Variants in SLC14A2 observed in about 807,000 individuals in gnomAD.
The protein encoded by SLC14A2 is solute carrier family 14 member 2, also known as urea transporter 2.
SLC14A2 carries 91 observed loss-of-function variants against 104.6 expected under a neutral mutation model. The observed-to-expected ratio is 0.87, with a 90% CI of 0.73 to 1.04. The LOEUF (loss-of-function observed/expected upper bound fraction) is 1.04. SLC14A2 is among the 50% of genes least tolerant of loss of function. The probability of loss-of-function intolerance (pLI) is 0.00; values close to 1 mark genes in which losing one functional copy is unlikely to be tolerated. For missense variants in SLC14A2, 1,189 were observed against 1,156.0 expected, an observed-to-expected ratio of 1.03 and a Z score of -0.41; for synonymous variants, 476 against 466.4, an observed-to-expected ratio of 1.02 and a Z score of -0.27.
At chr18:45,443,581 G>A (rs932704938) in intron 1 of SLC14A2, among the ~76,000 whole-genome samples, 1 of 152,060 alleles carries the variant, frequency 6.6e-6, no homozygotes, top group Non-Finnish European at 1.5e-5. Flanking sequence ...CAGTGGGGGT[G>A]GGGGAAGAGT....
the SLC14A2 span, chr18:45,180,003 G>A: frequency 2.0e-5 from 3 of 152,062 alleles, no homozygotes; most frequent in African/African-American, 7.2e-5. Flanking sequence ...CGAAAAATTA[G>A]CCAAGTACGG....
the SLC14A2 span, among the ~76,000 whole-genome samples, chr18:45,176,704 T>A: frequency 6.6e-6 from 1 of 152,210 alleles, no homozygotes; most frequent in Non-Finnish European, 1.5e-5. Context: ...TGATTTTCTC[T>A]CTGCATTGTG....
intron 2 of SLC14A2, among the ~76,000 whole-genome samples, chr18:45,591,791 C>T (rs761857987): frequency 1.3e-5 from 2 of 152,202 alleles, no homozygotes. Flanking sequence ...AATGAAGACA[C>T]ATGCAGAAAA....
At chr18:45,528,827 A>G (rs2039254515) in intron 2 of SLC14A2, 1 of 152,244 alleles carries the variant, frequency 6.6e-6, no homozygotes, top group Non-Finnish European at 1.5e-5. Flanking sequence ...CAAGAAGCAG[A>G]GGCTAGTTCA....
intron 2 of SLC14A2, among the ~76,000 whole-genome samples, chr18:45,562,682 GAGA>G (rs1021936690): frequency 2.4e-4 from 36 of 152,292 alleles, no homozygotes; most frequent in African/African-American, 7.9e-4. Flanking sequence ...ACTCTGAGCA[GAGA>G]AGAAGTTCAG....
At chr18:45,196,586 C>T in the SLC14A2 span, among the ~76,000 whole-genome samples, 1 of 152,186 alleles carries the variant, frequency 6.6e-6, no homozygotes, top group Admixed American at 6.5e-5. Context: ...AAACAGACAG[C>T]TGCCTTTGTA....
At chr18:45,554,500 G>T (rs1285201911) in intron 2 of SLC14A2, among the ~76,000 whole-genome samples, 1 of 152,150 alleles carries the variant, frequency 6.6e-6, no homozygotes, top group Non-Finnish European at 1.5e-5. Context: ...GGGCTGCAAG[G>T]TGGGGGTGGA....
At chr18:45,265,058 C>T (rs2084577980) in intron 1 of SLC14A2, among the ~76,000 whole-genome samples, 1 of 152,124 alleles carries the variant, frequency 6.6e-6, no homozygotes, top group African/African-American at 2.4e-5. Flanking sequence ...TGGGCCATGT[C>T]TTTGTATGCA....
At chr18:45,617,268 C>G (rs1020148268) in intron 1 of SLC14A2, among the ~76,000 whole-genome samples, 5 of 152,200 alleles carry the variant, frequency 3.3e-5, no homozygotes, top group African/African-American at 9.7e-5. Context: ...GCCAGAATTC[C>G]CCTGCCAGGC....
At chr18:45,235,507 T>C (rs1212436090) in intron 1 of SLC14A2, among the ~76,000 whole-genome samples, 3 of 152,112 alleles carry the variant, frequency 2.0e-5, no homozygotes, top group Admixed American at 1.3e-4. Flanking sequence ...TATAGAACGC[T>C]AGAATTTATT....
intron 5 of SLC14A2, among the ~76,000 whole-genome samples, chr18:45,636,723 G>A (rs1013319756): frequency 2.6e-5 from 4 of 151,960 alleles, no homozygotes; most frequent in African/African-American, 9.7e-5. Flanking sequence ...AATAAGTTAC[G>A]ATATTTTTAA....
At chr18:45,523,437 C>A (rs1814280) in intron 2 of SLC14A2, among the ~76,000 whole-genome samples, 1 of 151,066 alleles carries the variant, frequency 6.6e-6, no homozygotes, top group African/African-American at 2.4e-5. Flanking sequence ...TCAAGCGATT[C>A]TCCTGCCTCA....
chr18:45,204,296 C>T, the SLC14A2 span, among the ~76,000 whole-genome samples: 1 of 152,158 alleles, frequency 6.6e-6, no homozygotes, highest in Admixed American at 6.5e-5. Flanking sequence ...GGAGAAAGCT[C>T]AAACATCTAC....
chr18:45,629,560 C>G (rs1471142567), intron 4 of SLC14A2, among the ~76,000 whole-genome samples: 1 of 152,136 alleles, frequency 6.6e-6, no homozygotes, highest in Non-Finnish European at 1.5e-5. Flanking sequence ...CTGTGTGACT[C>G]AGGCAAGTAC....
At chr18:45,297,409 A>T (rs1239748618) in intron 1 of SLC14A2, among the ~76,000 whole-genome samples, 3 of 152,266 alleles carry the variant, frequency 2.0e-5, no homozygotes, top group African/African-American at 4.8e-5. Flanking sequence ...CTTATCCAGG[A>T]TGGCATTTTG....
At position 45,618,669 on chromosome 18, in the gene SLC14A2, CAAAAAAAAAAAAA is replaced by C. The variant is rs60728655; in HGVS notation, c.-35+3104_-35+3116del. 1.8e-4 allele frequency among the ~76,000 whole-genome samples: 9 copies of C among 50,694 alleles called. 1 individual carries two copies. Among genetic ancestry groups the C allele is most frequent in the African/African-American group, 4.2e-4 (6 of 14,300 alleles). 33.3% of individuals were successfully genotyped at this position (50,694 alleles called of 152,430 possible). On this transcript the variant is annotated intron_variant, in intron 1 of 19. Coordinates refer to ENST00000255226, the MANE Select transcript of SLC14A2 (RefSeq NM_007163.4). ...GGGTGACAAGAGCGAAACTCTGTCT[CAAAAAAAAAAAAA>C]AAAAAAAAAAAAAAAAGAAGTAGTA...
At chr18:45,345,110 T>C (rs1375299652) in intron 1 of SLC14A2, among the ~76,000 whole-genome samples, 1 of 152,192 alleles carries the variant, frequency 6.6e-6, no homozygotes, top group Non-Finnish European at 1.5e-5. Context: ...TCCTTGTGCA[T>C]TCTTGTTCAT....
chr18:45,359,820 C>T (rs986812410), intron 1 of SLC14A2, among the ~76,000 whole-genome samples: 8 of 152,328 alleles, frequency 5.3e-5, no homozygotes, highest in Non-Finnish European at 8.8e-5. Flanking sequence ...GCCCAGCCAC[C>T]GGCAAGGGCT....
Position 45,553,380 on chromosome 18 carries a change from C to G in SLC14A2, c.-35+70058C>G, listed in dbSNP as rs367964079. On this transcript the variant is annotated intron_variant, in intron 2 of 20. Coordinates refer to the SLC14A2 transcript ENST00000586448. ...CCCATTCCCTTGACCAGCCTAAGCC[C>G]TGATTCCTCCAACCTCTCTGCTAGA... Among the ~76,000 whole-genome samples the G allele has an allele frequency of 5.3e-5, 8 of 152,316 alleles. No individual in the cohort carries two copies. The East Asian group carries it at 9.7e-4, about 18-fold the overall frequency.
Sources: allele counts gnomAD v4.1 joint callset (sites outside exome capture counted in the v4.1 genomes callset), GRCh38; gene constraint gnomAD v4.1.1; transcripts MANE v1.5; gene names NCBI Gene and HGNC (gene_info 2026-07-23, HGNC 2026-07-21).